The following LRRC7 variants were observed in gnomAD, a reference collection of about 807,000 sequenced individuals.
LRRC7 encodes leucine-rich repeat-containing protein 7.
In LRRC7, 23 loss-of-function variants were observed where a neutral mutation model predicts 175.7. That is an observed-to-expected ratio of 0.13 (90% CI 0.09 to 0.19). LRRC7 has a LOEUF of 0.19. LRRC7 is among the 10% of genes least tolerant of loss of function. LRRC7 has a pLI of 1.00. For missense variants in LRRC7, 1,354 were observed against 1,904.7 expected (o/e 0.71, Z 5.38); for synonymous variants, 685 against 680.9 (o/e 1.01, Z -0.09).
intron 1 of LRRC7, among the ~76,000 whole-genome samples, chr1:69,657,431 T>C (rs1265602088): frequency 6.6e-6 from 1 of 151,800 alleles, no homozygotes; most frequent in East Asian, 1.9e-4. Context: ...TAAAATCATA[T>C]ATGGAAGCAG....
chr1:69,841,216 A>G (rs1029708723), intron 7 of LRRC7, among the ~76,000 whole-genome samples: 2 of 151,962 alleles, frequency 1.3e-5, no homozygotes, highest in Non-Finnish European at 2.9e-5. Context: ...TAGAAGCTCA[A>G]GTGTGCTTCT....
At position 69,884,671 on chromosome 1, in the gene LRRC7, A is replaced by G. The variant is rs879829141; in HGVS notation, c.647+46388A>G. Among the ~76,000 whole-genome samples the G allele has an allele frequency of 9.3e-3, 1,311 of 141,084 alleles. 54 individuals are homozygous for G. Among genetic ancestry groups the G allele is most frequent in the Admixed American group, 0.068 (985 of 14,470 alleles). The allele number at this position is 141,084 out of a possible 152,430, so 92.6% of individuals were successfully genotyped here. On this transcript the variant is annotated intron_variant, in intron 7 of 26. Coordinates refer to ENST00000651989, the MANE Select transcript of LRRC7 (RefSeq NM_001370785.2). ...CACTATGTTGAATAGGAGTGGTGAG[A>G]GAGGGCATCCCTGTCTTGTGCCAGT...
chr1:69,947,240 G>T (rs1649435384), intron 8 of LRRC7, among the ~76,000 whole-genome samples: 1 of 151,578 alleles, frequency 6.6e-6, no homozygotes, highest in Non-Finnish European at 1.5e-5. Flanking sequence ...GGAGAGTTCA[G>T]TTCATTTACA....
chr1:70,004,841 A>G (rs968768337), intron 11 of LRRC7, among the ~76,000 whole-genome samples: 3 of 151,734 alleles, frequency 2.0e-5, no homozygotes, highest in African/African-American at 7.3e-5. Context: ...CTTCTCTACT[A>G]AATCTTTGTT....
chr1:69,886,309 G>C (rs1429774693), intron 7 of LRRC7, among the ~76,000 whole-genome samples: 1 of 151,040 alleles, frequency 6.6e-6, no homozygotes. Context: ...TCCTGTATTG[G>C]GTGCATATAT....
intron 7 of LRRC7, among the ~76,000 whole-genome samples, chr1:69,897,670 C>A (rs570393778): frequency 6.6e-6 from 1 of 151,632 alleles, no homozygotes; most frequent in East Asian, 2.0e-4. Context: ...AAAGGGACAG[C>A]AAAGGTTTAT....
rs1667212195 is a variant in LRRC7 at position 70,144,253 on chromosome 1, G to A, written c.*22366G>A. 1 of 152,138 alleles carries A rather than the reference G, an allele frequency of 6.6e-6. No individual in the cohort carries two copies. Among genetic ancestry groups the A allele is most frequent in the African/African-American group, 2.4e-5 (1 of 41,434 alleles). 9.4% of individuals were successfully genotyped at this position (152,138 alleles called of 1,614,324 possible). A position where few individuals can be genotyped will look rare whatever the true frequency, so the allele number is the denominator to read the frequency against. On this transcript the variant is annotated 3_prime_UTR_variant, in exon 27 of 27. Transcript: ENST00000651989. ...AAATAATGCTGTGCAGTGTATAGCAGAGCCATTTTTCGGCTTTGGTGTACT... is the reference window on the plus strand; with the variant it reads ...AAATAATGCTGTGCAGTGTATAGCAAAGCCATTTTTCGGCTTTGGTGTACT...
intron 1 of LRRC7, among the ~76,000 whole-genome samples, chr1:69,588,019 T>A (rs1569731646): frequency 6.6e-6 from 1 of 152,230 alleles, no homozygotes; most frequent in African/African-American, 2.4e-5. Context: ...ATACCCTGTC[T>A]TGCCCAAGCC....
intron 5 of LRRC7, among the ~76,000 whole-genome samples, chr1:69,827,337 T>A (rs1452265413): frequency 6.6e-6 from 1 of 152,134 alleles, no homozygotes; most frequent in East Asian, 1.9e-4. Flanking sequence ...AGAAATTACA[T>A]CTTTGAGAAA....
chr1:69,625,240 G>C (rs1302091521), intron 1 of LRRC7, among the ~76,000 whole-genome samples: 1 of 151,032 alleles, frequency 6.6e-6, no homozygotes, highest in Non-Finnish European at 1.5e-5. Context: ...ATGGGAATTT[G>C]TCTTTTGATT....
chr1:69,568,603 C>G lies in LRRC7; in HGVS notation c.-37C>G. The G allele has an allele frequency of 7.4e-7, 1 of 1,350,776 alleles. No individual in the cohort carries two copies. Among genetic ancestry groups the G allele is most frequent in the Admixed American group, 2.0e-5 (1 of 50,872 alleles). The allele number at this position is 1,350,776 out of a possible 1,614,324, so 83.7% of individuals were successfully genotyped here. On this transcript the variant is annotated 5_prime_UTR_variant, in exon 1 of 27. Coordinates refer to ENST00000651989, the MANE Select transcript of LRRC7 (RefSeq NM_001370785.2). ...AACCCTTGGCAGCTGCACGACTACG[C>G]TCTCCGAAACCTCATGGGCAGTTTC... is the stretch of plus-strand genomic sequence containing the variant.
intron 7 of LRRC7, among the ~76,000 whole-genome samples, chr1:69,892,459 A>G (rs1645864038): frequency 6.6e-6 from 1 of 152,212 alleles, no homozygotes; most frequent in Non-Finnish European, 1.5e-5. Context: ...GATAAATCCA[A>G]TGATGTATTT....
chr1:69,650,725 A>AAC (rs1479766920), intron 1 of LRRC7, among the ~76,000 whole-genome samples: 2 of 68,470 alleles, frequency 2.9e-5, no homozygotes, highest in African/African-American at 1.4e-4. Flanking sequence ...TCCTAAACAA[A>AAC]ATATGTTGTG....
intron 22 of LRRC7, among the ~76,000 whole-genome samples, chr1:70,048,868 T>C (rs1376908148): frequency 6.6e-6 from 1 of 152,102 alleles, no homozygotes; most frequent in African/African-American, 2.4e-5. Flanking sequence ...AAATAACTCA[T>C]TAATCATCCA....
At chr1:69,709,566 T>A (rs920606791) in intron 2 of LRRC7, among the ~76,000 whole-genome samples, 6 of 152,192 alleles carry the variant, frequency 3.9e-5, no homozygotes, top group African/African-American at 1.4e-4. Context: ...AAGCTCTTAA[T>A]TTGTTCAATG....
intron 25 of LRRC7, among the ~76,000 whole-genome samples, chr1:70,104,103 CTTG>C (rs1383389040): frequency 6.6e-6 from 1 of 152,112 alleles, no homozygotes; most frequent in Non-Finnish European, 1.5e-5. Context: ...AAGTTGGCTT[CTTG>C]TTGTTTGGAA....
intron 1 of LRRC7, among the ~76,000 whole-genome samples, chr1:69,616,917 G>A (rs988953711): frequency 4.6e-5 from 7 of 152,042 alleles, no homozygotes; most frequent in Admixed American, 1.3e-4. Flanking sequence ...AAAGTGAGAG[G>A]AACGTATGTT....
At chr1:69,999,801 T>G (rs1258077038) in intron 11 of LRRC7, among the ~76,000 whole-genome samples, 3 of 151,850 alleles carry the variant, frequency 2.0e-5, no homozygotes, top group Admixed American at 6.6e-5. Flanking sequence ...TTCCAGAAAT[T>G]TTTTTTTGAA....
intron 2 of LRRC7, among the ~76,000 whole-genome samples, chr1:69,680,923 A>G (rs1386490864): frequency 6.6e-6 from 1 of 152,098 alleles, no homozygotes. Context: ...CCTAGGATGT[A>G]GCGAGTTTTC....
Sources: gnomAD v4.1 joint callset for allele counts (sites outside exome capture counted in the v4.1 genomes callset) on GRCh38, gnomAD v4.1.1 for gene constraint, MANE v1.5 for transcripts, NCBI Gene and HGNC (gene_info 2026-07-23, HGNC 2026-07-21) for gene names.